The following AFDN variants were observed in gnomAD, a reference collection of about 807,000 sequenced individuals.
AFDN encodes afadin, adherens junction formation factor.
AFDN carries 68 observed loss-of-function variants against 216.6 expected under a neutral mutation model. That is an observed-to-expected ratio of 0.31 (90% CI 0.26 to 0.38). AFDN has a LOEUF of 0.38. AFDN is among the 10% of genes least tolerant of loss of function. The pLI is 1.00. For synonymous variants in AFDN, 868 were observed against 853.7 expected (o/e 1.02, Z -0.29); for missense variants, 2,136 against 2,342.0 (o/e 0.91, Z 1.82).
intron 21 of AFDN, 79 bp downstream of exon 21, chr6:167,919,012 G>A (rs1791455955): frequency 4.7e-6 from 6 of 1,276,300 alleles, no homozygotes; most frequent in African/African-American, 3.0e-5. Context: ...ATCTCATAGG[G>A]TAGTCCACTT....
chr6:167,900,595 A>G (rs1353492424), intron 11 of AFDN, among the ~76,000 whole-genome samples: 1 of 152,226 alleles, frequency 6.6e-6, no homozygotes, highest in Non-Finnish European at 1.5e-5. Context: ...TGAAAGAGGT[A>G]GCTTTGGTGG....
intron 32 of AFDN, among the ~76,000 whole-genome samples, chr6:167,967,680 G>C (rs1012324691): frequency 6.6e-6 from 1 of 151,914 alleles, no homozygotes; most frequent in African/African-American, 2.4e-5. Context: ...TTATTTTACC[G>C]CACACATGAA....
In AFDN at chr6:167,965,752, C is replaced by A; in HGVS notation, c.4969-5C>A. The A allele has an allele frequency of 1.3e-6, 2 of 1,529,624 alleles. No homozygotes were observed. The highest frequency in any genetic ancestry group is 2.3e-5 in the East Asian group (1 of 43,268). The allele number at this position is 1,529,624 out of a possible 1,614,324, so 94.8% of individuals were successfully genotyped here. A position where few individuals can be genotyped will look rare whatever the true frequency, so the allele number is the denominator to read the frequency against. On this transcript the variant is annotated splice_polypyrimidine_tract_variant and splice_region_variant and intron_variant, in intron 31 of 33. Coordinates refer to ENST00000683244, the MANE Select transcript of AFDN (RefSeq NM_001386888.1). ...CTTTGCACTCTTGTCTATTCCCGCC[C>A]GCAGAGGCGACAGGAAGAAGGGTAT... is the stretch of plus-strand genomic sequence containing the variant.
At chr6:167,908,265 A>G (rs1789966536) in intron 13 of AFDN, among the ~76,000 whole-genome samples, 1 of 152,236 alleles carries the variant, frequency 6.6e-6, no homozygotes, top group Admixed American at 6.5e-5. Flanking sequence ...CCCAACTTCC[A>G]GCAGAGGGCA....
intron 4 of AFDN, among the ~76,000 whole-genome samples, chr6:167,874,559 TAAA>T (rs898859559): frequency 6.6e-6 from 1 of 151,232 alleles, no homozygotes; most frequent in Non-Finnish European, 1.5e-5. Context: ...TTTTAGGTGT[TAAA>T]AAAAATCATT....
chr6:167,832,801 G>A (rs755335678), intron 1 of AFDN, among the ~76,000 whole-genome samples: 2 of 152,146 alleles, frequency 1.3e-5, no homozygotes, highest in Non-Finnish European at 2.9e-5. Context: ...AAAATTGTAT[G>A]GCTTACAGAA....
intron 1 of AFDN, among the ~76,000 whole-genome samples, chr6:167,849,924 G>T (rs1782113522): frequency 6.6e-6 from 1 of 152,184 alleles, no homozygotes; most frequent in African/African-American, 2.4e-5. Flanking sequence ...CTCCTAAACA[G>T]CTTGACCTCC....
intron 3 of AFDN, among the ~76,000 whole-genome samples, chr6:167,870,717 A>G (rs1018958414): frequency 7.2e-5 from 11 of 152,162 alleles, no homozygotes; most frequent in Non-Finnish European, 1.6e-4. Context: ...TCACCTTTTC[A>G]AAGAATATTT....
At chr6:167,886,146 C>T (rs1011791998) in intron 6 of AFDN, among the ~76,000 whole-genome samples, 1 of 150,998 alleles carries the variant, frequency 6.6e-6, no homozygotes, top group African/African-American at 2.4e-5. Context: ...TTACAGTGAA[C>T]ATGTGTTATT....
chr6:167,954,625 C>T (rs1256332906), intron 30 of AFDN: 6 of 599,458 alleles, frequency 1.0e-5, no homozygotes, highest in Non-Finnish European at 1.6e-5. Context: ...GATGGAGTCC[C>T]TGACACTTTA....
chr6:167,938,373 T>A (rs934773429), intron 23 of AFDN, among the ~76,000 whole-genome samples: 14 of 152,180 alleles, frequency 9.2e-5, no homozygotes, highest in African/African-American at 3.4e-4. Context: ...CAGCTGGCAG[T>A]TACAAGAGTC....
chr6:167,874,995 A>G (rs1785192081), intron 4 of AFDN, among the ~76,000 whole-genome samples: 1 of 152,186 alleles, frequency 6.6e-6, no homozygotes, highest in Non-Finnish European at 1.5e-5. Flanking sequence ...TTGGAAGGTC[A>G]TGGTAAAATA....
intron 25 of AFDN, 109 bp downstream of exon 25, chr6:167,943,584 C>G: frequency 1.2e-6 from 1 of 843,510 alleles, no homozygotes; most frequent in South Asian, 1.4e-5. Flanking sequence ...GCTCATATTA[C>G]TCTTTACCTT....
intron 6 of AFDN, among the ~76,000 whole-genome samples, chr6:167,883,029 A>G (rs965822775): frequency 1.3e-5 from 2 of 152,126 alleles, no homozygotes; most frequent in African/African-American, 2.4e-5. Flanking sequence ...TTCAAAACAT[A>G]CAAGGCAAAA....
rs145310976 is a variant in AFDN, at chr6:167,916,613, C to T, written c.2566-476C>T. 9.4e-3 allele frequency among the ~76,000 whole-genome samples: 1,436 copies of T among 151,970 alleles called. 17 individuals are homozygous for T. Among genetic ancestry groups the T allele is most frequent in the Admixed American group, 0.019 (290 of 15,268 alleles). The stretch of plus-strand genomic sequence containing the variant: ...CTAGGAGGTGATGTTTTGCAATTAA[C>T]GAAATGAGTCATCTACAGCTTAAAA... On this transcript the variant is annotated intron_variant, in intron 19 of 33. Transcript: ENST00000683244.
intron 1 of AFDN, among the ~76,000 whole-genome samples, chr6:167,844,789 C>G (rs961316745): frequency 6.6e-6 from 1 of 151,256 alleles, no homozygotes; most frequent in South Asian, 2.1e-4. Flanking sequence ...AGTAATGTGT[C>G]ATTGGTTTTA....
intron 1 of AFDN, among the ~76,000 whole-genome samples, chr6:167,860,874 T>G (rs573259560): frequency 1.1e-3 from 175 of 152,352 alleles, no homozygotes; most frequent in African/African-American, 3.6e-3. Flanking sequence ...AATTTCTTTC[T>G]CTCATTTAAC....
Position 167,971,469 on chromosome 6 carries a change from G to C in AFDN, c.*1534G>C, listed in dbSNP as rs1798020120. 1 of 195,226 alleles carries C rather than the reference G, an allele frequency of 5.1e-6. No individual in the cohort carries two copies. The highest frequency in any genetic ancestry group is 1.1e-5 in the Non-Finnish European group (1 of 94,204). 12.1% of individuals were successfully genotyped at this position (195,226 alleles called of 1,614,324 possible). A position where few individuals can be genotyped will look rare whatever the true frequency, so the allele number is the denominator to read the frequency against. ...TATCAGGGTTTTTATTTGAAAGTGT[G>C]CTCTTACCATTTCCTTGTTTGAGTA... is the stretch of plus-strand genomic sequence containing the variant. On this transcript the variant is annotated 3_prime_UTR_variant, in exon 34 of 34. Transcript: ENST00000683244.
chr6:167,898,249 CATGG>C lies in AFDN; in HGVS notation c.1368_1371del (p.Asp456GlufsTer5). On this transcript the variant is annotated frameshift_variant, in exon 11 of 34. Coordinates refer to ENST00000683244, the MANE Select transcript of AFDN (RefSeq NM_001386888.1). LOFTEE classifies it high-confidence loss of function. ...AGCCCCATCACTGTGACCTTACCAA[CATGG>C]ATGGAGTGGTCACTGTGACGCCCAG... 1 of 1,614,154 alleles carries C rather than the reference CATGG, an allele frequency of 6.2e-7. No homozygotes were observed. The highest frequency in any genetic ancestry group is 8.5e-7 in the Non-Finnish European group (1 of 1,180,026).
Sources: allele counts gnomAD v4.1 joint callset (sites outside exome capture counted in the v4.1 genomes callset), GRCh38; gene constraint gnomAD v4.1.1; transcripts MANE v1.5; gene names NCBI Gene and HGNC (gene_info 2026-07-23, HGNC 2026-07-21).